Variants in PDZD2 observed in about 807,000 individuals in gnomAD.
PDZD2 encodes the protein PDZ domain containing 2.
A neutral mutation model predicts 220.7 loss-of-function variants in PDZD2; 90 were observed. The ratio of observed to expected loss-of-function variants is 0.41; its 90% CI spans 0.34 to 0.49. The LOEUF (loss-of-function observed/expected upper bound fraction) is 0.49, where lower values mean the gene tolerates loss of function less well. Among genes scored for constraint, PDZD2 ranks in the 20% least tolerant of loss-of-function variants. PDZD2 has a pLI of 0.28. For synonymous variants in PDZD2, 1,375 were observed against 1,450.5 expected, an observed-to-expected ratio of 0.95 and a Z score of 1.18; for missense variants, 3,174 against 3,608.5, an observed-to-expected ratio of 0.88 and a Z score of 3.08.
chr5:32,083,196 CA>C lies in PDZD2; in HGVS notation c.3683-3919del, dbSNP rs10708046. On this transcript the variant is annotated intron_variant, in intron 19 of 24. Coordinates refer to ENST00000438447, the MANE Select transcript of PDZD2 (RefSeq NM_178140.4). This position sits in a 1 kb window ranked among gnomAD's most constrained non-coding sequence, Gnocchi z 4.1. ...TCCTGTGCTTTTTTTGTCTTTTTGCCAAAAAAAAAAAAAAAATCCACTGTGG... is the reference window on the plus strand; with the variant it reads ...TCCTGTGCTTTTTTTGTCTTTTTGCCAAAAAAAAAAAAAAATCCACTGTGG... Among the ~76,000 whole-genome samples the C allele has an allele frequency of 0.15, 20,078 of 129,616 alleles. 1,608 individuals are homozygous for C. Among genetic ancestry groups the C allele is most frequent in the African/African-American group, 0.26 (9,239 of 35,232 alleles). The allele number at this position is 129,616 out of a possible 152,430, so 85.0% of individuals were successfully genotyped here.
At chr5:31,904,588 C>T (rs894393485) in intron 2 of PDZD2, among the ~76,000 whole-genome samples, 1 of 152,070 alleles carries the variant, frequency 6.6e-6, no homozygotes, top group Non-Finnish European at 1.5e-5. Flanking sequence ...AGTGCAGTGG[C>T]ACGATCTCGG....
chr5:31,666,418 T>C (rs541368414), intron 1 of PDZD2, among the ~76,000 whole-genome samples: 11 of 152,366 alleles, frequency 7.2e-5, no homozygotes, highest in Non-Finnish European at 7.3e-5. Context: ...AAATATTTTC[T>C]TACTAATTAT....
chr5:31,853,597 C>G (rs943990594), intron 2 of PDZD2, among the ~76,000 whole-genome samples: 1 of 152,238 alleles, frequency 6.6e-6, no homozygotes, highest in African/African-American at 2.4e-5. Context: ...TTGGCCCCTC[C>G]TGGGCTTTAA....
intron 2 of PDZD2, among the ~76,000 whole-genome samples, chr5:31,849,995 C>CAT (rs1187047694): frequency 6.4e-5 from 1 of 15,512 alleles, no homozygotes. Flanking sequence ...TATATATACA[C>CAT]ATATATATAT....
chr5:31,940,308 C>G (rs1436063059), intron 2 of PDZD2, among the ~76,000 whole-genome samples: 1 of 152,170 alleles, frequency 6.6e-6, no homozygotes, highest in Non-Finnish European at 1.5e-5. Context: ...GGCCCATCTG[C>G]CCAGATTGCC....
intron 1 of PDZD2, among the ~76,000 whole-genome samples, chr5:31,728,575 G>C (rs1749317452): frequency 6.6e-6 from 1 of 152,206 alleles, no homozygotes; most frequent in African/African-American, 2.4e-5. Flanking sequence ...CATTCGATCT[G>C]ATGCTTCGTT....
intron 1 of PDZD2, among the ~76,000 whole-genome samples, chr5:31,673,587 A>G (rs748114760): frequency 3.3e-5 from 5 of 152,196 alleles, no homozygotes; most frequent in Non-Finnish European, 7.3e-5. Context: ...AACCTCAGTC[A>G]TCAATGGGAT....
At chr5:32,103,867 C>G (rs369963021) in intron 24 of PDZD2, 5 of 152,344 alleles carry the variant, frequency 3.3e-5, no homozygotes, top group African/African-American at 1.2e-4. Flanking sequence ...TCCTTCAGAT[C>G]TGCCTCCAGC....
At chr5:32,010,954 G>A (rs989149401) in intron 6 of PDZD2, among the ~76,000 whole-genome samples, 5 of 133,874 alleles carry the variant, frequency 3.7e-5, no homozygotes, top group Middle Eastern at 4.1e-3. Flanking sequence ...CTGAGATCTC[G>A]CCACTGCACT....
At chr5:31,950,554 A>G (rs972562495) in intron 2 of PDZD2, among the ~76,000 whole-genome samples, 2 of 152,184 alleles carry the variant, frequency 1.3e-5, no homozygotes, top group Non-Finnish European at 2.9e-5. Flanking sequence ...TTTACTCTTC[A>G]TCATGATAAA....
At chr5:31,793,178 G>T (rs144451700) in intron 1 of PDZD2, among the ~76,000 whole-genome samples, 1 of 148,360 alleles carries the variant, frequency 6.7e-6, no homozygotes, top group African/African-American at 2.5e-5. Flanking sequence ...ACACAGTTAT[G>T]CTCAGAAAAC....
intron 1 of PDZD2, among the ~76,000 whole-genome samples, chr5:31,778,498 G>T (rs1752851754): frequency 6.6e-6 from 1 of 151,620 alleles, no homozygotes; most frequent in African/African-American, 2.4e-5. Flanking sequence ...GAACAACTCT[G>T]GACGGGAGGA....
chr5:31,711,143 C>T (rs553419474), intron 1 of PDZD2, among the ~76,000 whole-genome samples: 10 of 152,242 alleles, frequency 6.6e-5, no homozygotes, highest in Admixed American at 3.3e-4. Flanking sequence ...CCAGGGTCCA[C>T]GCCAGATGTT....
intron 2 of PDZD2, among the ~76,000 whole-genome samples, chr5:31,857,632 C>T (rs1758571910): frequency 6.6e-6 from 1 of 152,148 alleles, no homozygotes; most frequent in South Asian, 2.1e-4. Context: ...ATATCCCCTC[C>T]TGAAAGTTCT....
chr5:31,987,524 C>T (rs1463882486), intron 3 of PDZD2, among the ~76,000 whole-genome samples: 1 of 152,178 alleles, frequency 6.6e-6, no homozygotes, highest in African/African-American at 2.4e-5. Context: ...CCCCCTTGGT[C>T]ACTGGGTGAA....
chr5:31,793,660 T>C (rs1753844414), intron 1 of PDZD2, among the ~76,000 whole-genome samples: 1 of 152,036 alleles, frequency 6.6e-6, no homozygotes, highest in Non-Finnish European at 1.5e-5. Flanking sequence ...TACAAAAAAT[T>C]AGCTGGGCAT....
intron 19 of PDZD2, among the ~76,000 whole-genome samples, chr5:32,084,906 G>A (rs1436795500): frequency 6.9e-6 from 1 of 145,884 alleles, no homozygotes; most frequent in Non-Finnish European, 1.5e-5. Context: ...CCACCTCCAA[G>A]ATTTCAGGCT....
chr5:32,004,089 A>AT (rs1257024614), intron 5 of PDZD2, among the ~76,000 whole-genome samples: 1 of 133,730 alleles, frequency 7.5e-6, no homozygotes, highest in Admixed American at 7.5e-5. Flanking sequence ...AAAACGTAAG[A>AT]TTAAAAAAAA....
At chr5:31,773,456 T>C (rs189376850) in intron 1 of PDZD2, among the ~76,000 whole-genome samples, 1 of 142,060 alleles carries the variant, frequency 7.0e-6, no homozygotes, top group Non-Finnish European at 1.5e-5. Context: ...CTGGCCAACA[T>C]GGCAAAACCC....
Sources: allele counts gnomAD v4.1 joint callset (sites outside exome capture counted in the v4.1 genomes callset), GRCh38; gene constraint gnomAD v4.1.1; non-coding constraint Gnocchi (gnomAD v3.1); transcripts MANE v1.5; gene names NCBI Gene and HGNC (gene_info 2026-07-23, HGNC 2026-07-21).